Variants in VPS13D observed in about 807,000 individuals in gnomAD.
VPS13D encodes intermembrane lipid transfer protein VPS13D.
Under a neutral mutation model 461.9 loss-of-function variants are expected in VPS13D, and 187 were observed. The ratio of observed to expected loss-of-function variants is 0.40; its 90% CI spans 0.36 to 0.46. The LOEUF is 0.46. Among genes scored for constraint, VPS13D ranks in the 20% least tolerant of loss-of-function variants. VPS13D has a pLI of 0.60. For missense variants in VPS13D, 4,711 were observed against 5,364.9 expected (o/e 0.88, Z 3.81); for synonymous variants, 1,951 against 1,986.3 (o/e 0.98, Z 0.47).
intron 1 of VPS13D, among the ~76,000 whole-genome samples, chr1:12,231,125 C>T (rs1053810804): frequency 1.3e-5 from 2 of 152,232 alleles, no homozygotes; most frequent in Non-Finnish European, 2.9e-5. Context: ...AGGTCATGCC[C>T]GGCTGTCTGC....
rs746463751 is a variant in VPS13D at position 12,383,153 on chromosome 1, C to G, written c.11368C>G (p.Gln3790Glu). The change falls in exon 58 of 70, where the codon CAG becomes GAG. Residue 3790 changes from glutamine (Q) to glutamate (E), a missense_variant and splice_region_variant. Physicochemically the swap from Gln to Glu is conservative, Grantham distance 29 (BLOSUM62 2). This residue lies in a region of VPS13D where 4,411 missense variants were observed against 4,937.8 expected (regional missense o/e 0.89). Transcript: ENST00000620676. ...CCCAGATGGACCAACTAGAGCACTCCAGGTGATAATTTGTCATAAGAGCTG... is the reference window on the plus strand; with the variant it reads ...CCCAGATGGACCAACTAGAGCACTCGAGGTGATAATTTGTCATAAGAGCTG... ...VIPDGPTRAL[Q>E]ITDFCHRKSS... The G allele has an allele frequency of 6.2e-7, 1 of 1,609,346 alleles. No individual in the cohort carries two copies. The highest frequency in any genetic ancestry group is 1.3e-5 in the African/African-American group (1 of 74,598).
intron 39 of VPS13D, 126 bp downstream of exon 39, chr1:12,335,953 C>T (rs1643440687): frequency 7.2e-7 from 1 of 1,391,450 alleles, no homozygotes; most frequent in Non-Finnish European, 9.8e-7. Flanking sequence ...TGACTATCTT[C>T]TGTAGTTCTG....
Position 12,257,054 on chromosome 1 carries a change from G to A in VPS13D, c.908G>A (p.Arg303Gln), listed in dbSNP as rs200526345. The A allele has an allele frequency of 6.1e-5, 99 of 1,614,148 alleles. No homozygotes were observed. Among genetic ancestry groups the A allele is most frequent in the East Asian group, 2.2e-5 (1 of 44,884 alleles). ...LERKERQVKFRRWKPKVAISK... is the reference protein window; with the variant it reads ...LERKERQVKFQRWKPKVAISK... ...CGAAAGGAGAGGCAGGTGAAGTTCCGAAGGTGGAAACCCAAGGTGGCGATA... is the reference window on the plus strand; with the variant it reads ...CGAAAGGAGAGGCAGGTGAAGTTCCAAAGGTGGAAACCCAAGGTGGCGATA... The change falls in exon 9 of 70, where the codon CGA (arginine) becomes CAA (glutamine). Residue 303 changes from arginine to glutamine, a missense_variant. Coordinates refer to ENST00000620676, the MANE Select transcript of VPS13D (RefSeq NM_015378.4).
intron 55 of VPS13D, among the ~76,000 whole-genome samples, chr1:12,378,169 A>T (rs1267137210): frequency 4.6e-5 from 7 of 152,224 alleles, no homozygotes; most frequent in African/African-American, 1.7e-4. Context: ...TCGGTTATGA[A>T]AATAATACGT....
chr1:12,421,224 C>T (rs1040637412), intron 65 of VPS13D, among the ~76,000 whole-genome samples: 4 of 152,172 alleles, frequency 2.6e-5, no homozygotes, highest in East Asian at 1.9e-4. Flanking sequence ...CCCATGACTC[C>T]CCTGCCTGGG....
chr1:12,421,134 C>T (rs914359224), intron 65 of VPS13D, among the ~76,000 whole-genome samples: 2 of 152,150 alleles, frequency 1.3e-5, no homozygotes, highest in Non-Finnish European at 2.9e-5. Context: ...GCCTTTCTTT[C>T]TCATCTCCCA....
intron 65 of VPS13D, chr1:12,453,813 T>G (rs1645293526): frequency 6.6e-6 from 1 of 152,128 alleles, no homozygotes; most frequent in Non-Finnish European, 1.5e-5. Flanking sequence ...AAGTATTTAG[T>G]AAAGACATTC....
chr1:12,400,232 C>T lies in VPS13D; in HGVS notation c.11686C>T (p.Pro3896Ser). 6.2e-7 allele frequency: 1 copy of T among 1,614,110 alleles called. No individual in the cohort carries two copies. The highest frequency in any genetic ancestry group is 8.5e-7 in the Non-Finnish European group (1 of 1,180,028). Residue 3896 changes from proline to serine, a missense_variant, in exon 61 of 70, where the codon CCC becomes TCC. Pro to Ser is a moderately conservative substitution (Grantham distance 74). Around this residue, in one of 3 missense-constraint regions of VPS13D, gnomAD observed 4,411 missense variants for 4,937.8 expected, o/e 0.89. Coordinates refer to ENST00000620676, the MANE Select transcript of VPS13D (RefSeq NM_015378.4). ...TTQPFMLYVT[P>S]LSNENEVIET... Reference sequence around the variant, plus strand: ...GCAGCCCTTCATGCTCTATGTGACTCCCCTGAGCAATGAGAATGAGGTCAT... The same window carrying T: ...GCAGCCCTTCATGCTCTATGTGACTTCCCTGAGCAATGAGAATGAGGTCAT...
At chr1:12,437,817 A>T (rs1645080754) in intron 65 of VPS13D, among the ~76,000 whole-genome samples, 1 of 152,020 alleles carries the variant, frequency 6.6e-6, no homozygotes, top group African/African-American at 2.4e-5. Flanking sequence ...ACTTCTTGGA[A>T]CCTTTGAGCC....
chr1:12,324,992 T>C (rs1286275651), intron 35 of VPS13D, among the ~76,000 whole-genome samples: 3 of 152,236 alleles, frequency 2.0e-5, no homozygotes, highest in Non-Finnish European at 4.4e-5. Context: ...ATCTGTGTTC[T>C]TTCTACTCCA....
intron 40 of VPS13D, among the ~76,000 whole-genome samples, chr1:12,339,211 A>T (rs75391294): frequency 6.6e-6 from 1 of 152,160 alleles, no homozygotes; most frequent in African/African-American, 2.4e-5. Context: ...TAAGCTTTCT[A>T]TATGTTACTT....
chr1:12,274,010 A>G (rs1432763912), intron 18 of VPS13D, among the ~76,000 whole-genome samples: 3 of 151,940 alleles, frequency 2.0e-5, no homozygotes, highest in Non-Finnish European at 4.4e-5. Context: ...TGGTAACTCT[A>G]TGTTTTAATA....
intron 65 of VPS13D, among the ~76,000 whole-genome samples, chr1:12,451,166 A>G (rs964810043): frequency 1.3e-5 from 2 of 152,194 alleles, no homozygotes; most frequent in East Asian, 3.9e-4. Context: ...GTCTACTTGA[A>G]TTTCAGTTTT....
Position 12,259,977 on chromosome 1 carries a change from A to C in VPS13D, c.1111-716A>C, listed in dbSNP as rs370159407. 1.5e-3 allele frequency among the ~76,000 whole-genome samples: 223 copies of C among 149,990 alleles called. 7 individuals carry two copies. In the South Asian group the frequency reaches 0.046, roughly 31 times the overall value. On this transcript the variant is annotated intron_variant, in intron 10 of 69. Transcript: ENST00000620676. ...TTTGTAAACGGGGTCAGTGCTGTCC[A>C]AAGTGTGGGTGCTGCAATAGTCCAT...
intron 65 of VPS13D, among the ~76,000 whole-genome samples, chr1:12,432,784 G>A (rs142283370): frequency 0.022 from 3,272 of 151,996 alleles, 58 homozygotes; most frequent in African/African-American, 0.038. Context: ...TCGTAGAGAT[G>A]GGGTTTCTCT....
chr1:12,233,305 C>A (rs1159614579), intron 1 of VPS13D, among the ~76,000 whole-genome samples: 1 of 152,236 alleles, frequency 6.6e-6, no homozygotes, highest in South Asian at 2.1e-4. Context: ...CACCCCCGGC[C>A]TCTTTCATGA....
At chr1:12,336,021 G>C in intron 39 of VPS13D, 194 bp downstream of exon 39, 1 of 686,914 alleles carries the variant, frequency 1.5e-6, no homozygotes, top group Non-Finnish European at 2.3e-6. Flanking sequence ...ATAAATGTGG[G>C]CTGTAATTCC....
intron 46 of VPS13D, among the ~76,000 whole-genome samples, chr1:12,353,322 A>G (rs1350100379): frequency 6.6e-6 from 1 of 152,082 alleles, no homozygotes; most frequent in Non-Finnish European, 1.5e-5. Context: ...TCACGAGGTC[A>G]GGAGATCAAG....
At chr1:12,489,799 C>T (rs998897393) in intron 67 of VPS13D, among the ~76,000 whole-genome samples, 8 of 152,158 alleles carry the variant, frequency 5.3e-5, no homozygotes, top group African/African-American at 1.9e-4. Context: ...ATTGACTTAT[C>T]TACTCCTCAC....
Sources: gnomAD v4.1 joint callset for allele counts (sites outside exome capture counted in the v4.1 genomes callset) on GRCh38, gnomAD v4.1.1 for gene constraint, gnomAD v4.1.1 regional missense constraint, MANE v1.5 for transcripts, NCBI Gene and HGNC (gene_info 2026-07-23, HGNC 2026-07-21) for gene names.